Variants in AGPS observed in about 807,000 individuals in gnomAD.
AGPS encodes alkylglycerone phosphate synthase.
AGPS carries 26 observed loss-of-function variants against 90.7 expected under a neutral mutation model. The observed-to-expected ratio is 0.29, with a 90% CI of 0.21 to 0.40. The LOEUF is 0.40. Among genes scored for constraint, AGPS ranks in the 10% least tolerant of loss-of-function variants. AGPS has a pLI of 1.00. For missense variants in AGPS, 540 were observed against 816.1 expected, an observed-to-expected ratio of 0.66 and a Z score of 4.12; for synonymous variants, 294 against 285.3, an observed-to-expected ratio of 1.03 and a Z score of -0.31.
At chr2:177,535,667 G>A (rs149119276) in intron 19 of AGPS, among the ~76,000 whole-genome samples, 115 of 152,288 alleles carry the variant, frequency 7.6e-4, no homozygotes, top group African/African-American at 2.1e-3. Flanking sequence ...CATATTGAAC[G>A]TTTTTGTTTG....
intron 11 of AGPS, among the ~76,000 whole-genome samples, chr2:177,484,326 C>T (rs148043746): frequency 8.6e-5 from 13 of 151,772 alleles, no homozygotes; most frequent in African/African-American, 3.1e-4. Context: ...TTCACTATTC[C>T]CCCCACAAAA....
At chr2:177,393,597 G>C in intron 1 of AGPS, 2 of 984,052 alleles carry the variant, frequency 2.0e-6, no homozygotes, top group Non-Finnish European at 2.4e-6. Flanking sequence ...CCGATGAATG[G>C]TAAGAAGCCA....
intron 19 of AGPS, among the ~76,000 whole-genome samples, chr2:177,532,371 C>A (rs911951050): frequency 1.3e-5 from 2 of 151,988 alleles, no homozygotes; most frequent in African/African-American, 2.4e-5. Context: ...TGTTCAACAT[C>A]GTTAGCTATT....
At chr2:177,510,655 A>T (rs561197151) in intron 16 of AGPS, among the ~76,000 whole-genome samples, 1 of 152,150 alleles carries the variant, frequency 6.6e-6, no homozygotes, top group Non-Finnish European at 1.5e-5. Context: ...TTTCTGTTTT[A>T]TGCAGTTACA....
intron 5 of AGPS, among the ~76,000 whole-genome samples, chr2:177,440,279 G>A (rs992865535): frequency 1.3e-5 from 2 of 151,972 alleles, no homozygotes; most frequent in African/African-American, 4.8e-5. Context: ...CTAGTAACAC[G>A]GCCTAACCAA....
intron 7 of AGPS, among the ~76,000 whole-genome samples, chr2:177,443,821 G>C (rs1415162354): frequency 2.0e-5 from 3 of 152,170 alleles, no homozygotes; most frequent in African/African-American, 7.2e-5. Flanking sequence ...AGTATATATG[G>C]GATGTAATAG....
At chr2:177,393,245 A>T (rs1685076210) in intron 1 of AGPS, 196 bp downstream of exon 1, 1 of 985,094 alleles carries the variant, frequency 1.0e-6, no homozygotes, top group African/African-American at 1.7e-5. Context: ...GCGGGATGGG[A>T]TGGTGGATTT....
intron 13 of AGPS, among the ~76,000 whole-genome samples, chr2:177,498,609 CTT>C (rs977694178): frequency 3.3e-5 from 5 of 149,902 alleles, no homozygotes; most frequent in African/African-American, 1.2e-4. Context: ...CTCTCTCTCT[CTT>C]ATACTAAATG....
intron 10 of AGPS, among the ~76,000 whole-genome samples, chr2:177,478,695 T>G (rs1687858778): frequency 1.3e-5 from 2 of 152,156 alleles, no homozygotes; most frequent in Admixed American, 1.3e-4. Context: ...TTCTTCTTAA[T>G]AGTTTATCTT....
chr2:177,426,876 T>G (rs1686097018), intron 2 of AGPS, among the ~76,000 whole-genome samples: 1 of 152,200 alleles, frequency 6.6e-6, no homozygotes, highest in South Asian at 2.1e-4. Context: ...AAAATGATGC[T>G]GATCTCATAA....
intron 10 of AGPS, among the ~76,000 whole-genome samples, chr2:177,478,278 T>TTC (rs1306894677): frequency 2.6e-5 from 4 of 152,226 alleles, no homozygotes; most frequent in African/African-American, 9.7e-5. Context: ...TTCAAGATTT[T>TTC]TCTCTTGCCT....
intron 10 of AGPS, 24 bp from the exon 11 acceptor site, chr2:177,482,035 A>C: frequency 6.3e-7 from 1 of 1,582,076 alleles, no homozygotes; most frequent in Non-Finnish European, 8.6e-7. Flanking sequence ...GATGTACTGG[A>C]TTATTCCCCC....
chr2:177,413,243 G>A (rs1685675931), intron 1 of AGPS, among the ~76,000 whole-genome samples: 1 of 152,192 alleles, frequency 6.6e-6, no homozygotes. Flanking sequence ...TCATGCCAAG[G>A]GTATTGTTGG....
chr2:177,442,425 A>G lies in AGPS; in HGVS notation c.728A>G (p.Tyr243Cys), dbSNP rs1175404772. The change falls in exon 7 of 20, where the codon TAT becomes TGT. Residue 243 changes from tyrosine to cysteine, a missense_variant. Transcript: ENST00000264167. ...IPIGGGTSVSYGLMCPADETR... is the reference protein window; with the variant it reads ...IPIGGGTSVSCGLMCPADETR... ...TTGGCAGGAGGAACAAGTGTTTCAT[A>G]TGGCCTGATGTGTCCTGCAGATGAG... 2 of 1,613,782 alleles carry G rather than the reference A, an allele frequency of 1.2e-6. No individual in the cohort carries two copies. The highest frequency in any genetic ancestry group is 1.7e-6 in the Non-Finnish European group (2 of 1,179,642).
Position 177,513,724 on chromosome 2 carries a change from T to A in AGPS, c.1608-95T>A, listed in dbSNP as rs2364854. 0.68 allele frequency: 603,108 copies of A among 886,628 alleles called. 213,498 individuals are homozygous for A. Among genetic ancestry groups the A allele is most frequent in the Admixed American group, 0.77 (38,168 of 49,714 alleles). The allele number at this position is 886,628 out of a possible 1,614,324, so 54.9% of individuals were successfully genotyped here. On this transcript the variant is annotated intron_variant, in intron 16 of 19. Transcript: ENST00000264167. ...TATGAAAGCTTTAGCTAAGAAAATG[T>A]CAGACTTGAATGATGCCAGATTAAC...
At chr2:177,531,802 C>G (rs898635787) in intron 19 of AGPS, among the ~76,000 whole-genome samples, 13 of 152,042 alleles carry the variant, frequency 8.6e-5, no homozygotes, top group African/African-American at 3.1e-4. Context: ...ACACATAGAT[C>G]AGTGGAACAG....
chr2:177,529,678 A>G (rs1369180401), intron 19 of AGPS, among the ~76,000 whole-genome samples: 1 of 152,150 alleles, frequency 6.6e-6, no homozygotes, highest in Non-Finnish European at 1.5e-5. Context: ...TTTTTCTGCA[A>G]CTCCATACCA....
chr2:177,521,197 T>C (rs1336867616), intron 17 of AGPS, 72 bp from the exon 18 acceptor site: 14 of 1,320,644 alleles, frequency 1.1e-5, no homozygotes, highest in Non-Finnish European at 1.5e-5. Context: ...TCGTCTTGAC[T>C]TTCAGTTTCT....
intron 12 of AGPS, 87 bp downstream of exon 12, chr2:177,493,286 G>C: frequency 1.7e-6 from 2 of 1,165,966 alleles, no homozygotes; most frequent in East Asian, 4.7e-5. Context: ...TGCAGAGGTA[G>C]AAAGAACGTC....
Sources: gnomAD v4.1 joint callset for allele counts (sites outside exome capture counted in the v4.1 genomes callset) on GRCh38, gnomAD v4.1.1 for gene constraint, MANE v1.5 for transcripts, NCBI Gene and HGNC (gene_info 2026-07-23, HGNC 2026-07-21) for gene names.